Variants in ROBO2 observed in about 807,000 individuals in gnomAD.
ROBO2 encodes the protein roundabout guidance receptor 2.
ROBO2 carries 53 observed loss-of-function variants against 160.8 expected under a neutral mutation model. The ratio of observed to expected loss-of-function variants is 0.33; its 90% CI spans 0.26 to 0.41. ROBO2 has a LOEUF of 0.41. ROBO2 is among the 10% of genes least tolerant of loss of function. ROBO2 has a pLI of 1.00. For synonymous variants in ROBO2, 664 were observed against 611.7 expected, an observed-to-expected ratio of 1.09 and a Z score of -1.26; for missense variants, 1,577 against 1,722.4, an observed-to-expected ratio of 0.92 and a Z score of 1.49.
chr3:75,926,416 T>G (rs1035827472), intron 1 of ROBO2, among the ~76,000 whole-genome samples: 1 of 152,192 alleles, frequency 6.6e-6, no homozygotes, highest in African/African-American at 2.4e-5. Flanking sequence ...CAAAGTTTTA[T>G]GGTTGCTTTT....
chr3:77,054,928 A>ATGTGTG (rs574557375), intron 1 of ROBO2, among the ~76,000 whole-genome samples: 20,176 of 112,984 alleles, frequency 0.18, 1,899 homozygotes, highest in African/African-American at 0.28. Context: ...TCTCGCGTGT[A>ATGTGTG]TGTGTGTGTG....
At chr3:76,194,350 G>GTGTGTA (rs759087780) in intron 2 of ROBO2, among the ~76,000 whole-genome samples, 37 of 42,054 alleles carry the variant, frequency 8.8e-4, no homozygotes, top group African/African-American at 2.0e-3. Flanking sequence ...TGTATGGTGT[G>GTGTGTA]TAAATATATA....
intron 2 of ROBO2, among the ~76,000 whole-genome samples, chr3:77,268,228 T>C (rs1449781900): frequency 1.3e-5 from 2 of 152,222 alleles, no homozygotes; most frequent in Non-Finnish European, 2.9e-5. Context: ...GAGTCTTCTT[T>C]TTTCCCTAGT....
intron 2 of ROBO2, among the ~76,000 whole-genome samples, chr3:76,211,096 G>C (rs1182568431): frequency 1.3e-5 from 2 of 151,998 alleles, no homozygotes; most frequent in Non-Finnish European, 2.9e-5. Flanking sequence ...TCCATCCACA[G>C]TTATTTACTC....
chr3:77,503,890 A>G (rs2088046911), intron 5 of ROBO2, among the ~76,000 whole-genome samples: 19 of 152,222 alleles, frequency 1.2e-4, no homozygotes, highest in Admixed American at 1.2e-3. Context: ...AACAAGGAAC[A>G]TATCTTTGTT....
intron 2 of ROBO2, among the ~76,000 whole-genome samples, chr3:76,309,441 G>T (rs1422029132): frequency 6.6e-6 from 1 of 152,088 alleles, no homozygotes; most frequent in Non-Finnish European, 1.5e-5. Flanking sequence ...TTTATTTTGT[G>T]TATTCCATTA....
chr3:77,436,531 G>T (rs184262398), intron 2 of ROBO2, among the ~76,000 whole-genome samples: 28 of 151,796 alleles, frequency 1.8e-4, no homozygotes, highest in Non-Finnish European at 3.5e-4. Context: ...TATCAACATT[G>T]CTACTTTAAG....
At chr3:77,333,180 A>G (rs2066151549) in intron 2 of ROBO2, among the ~76,000 whole-genome samples, 1 of 152,194 alleles carries the variant, frequency 6.6e-6, no homozygotes, top group Non-Finnish European at 1.5e-5. Flanking sequence ...AAGCTTGGTT[A>G]TATTCTGGCG....
At chr3:77,087,079 T>A (rs571735527) in intron 1 of ROBO2, among the ~76,000 whole-genome samples, 1 of 152,222 alleles carries the variant, frequency 6.6e-6, no homozygotes, top group South Asian at 2.1e-4. Flanking sequence ...CATCTTCAGT[T>A]ACTAAGATTA....
intron 1 of ROBO2, among the ~76,000 whole-genome samples, chr3:77,065,847 T>C (rs1046788299): frequency 2.0e-5 from 3 of 152,140 alleles, no homozygotes; most frequent in Admixed American, 6.6e-5. Context: ...GCCTCAGTCC[T>C]AAGTAAATTG....
chr3:75,980,842 G>T (rs1008931492), intron 2 of ROBO2, among the ~76,000 whole-genome samples: 1 of 151,420 alleles, frequency 6.6e-6, no homozygotes, highest in African/African-American at 2.4e-5. Context: ...ACTGTTAAGT[G>T]CAGGAACAAA....
At chr3:77,466,087 G>A (rs569858960) in intron 2 of ROBO2, among the ~76,000 whole-genome samples, 1 of 152,246 alleles carries the variant, frequency 6.6e-6, no homozygotes, top group African/African-American at 2.4e-5. Context: ...AAGGTTACTG[G>A]GATTGGGATA....
At chr3:76,575,968 C>T (rs2085263952) in intron 2 of ROBO2, among the ~76,000 whole-genome samples, 1 of 151,762 alleles carries the variant, frequency 6.6e-6, no homozygotes, top group African/African-American at 2.4e-5. Flanking sequence ...GAAGAATTTA[C>T]AATACATTAA....
chr3:76,366,150 A>T (rs2075800793), intron 2 of ROBO2, among the ~76,000 whole-genome samples: 1 of 152,008 alleles, frequency 6.6e-6, no homozygotes, highest in East Asian at 1.9e-4. Flanking sequence ...GTCTGTCTAC[A>T]TGGCTAATTC....
At chr3:76,166,875 G>T (rs1486064960) in intron 2 of ROBO2, among the ~76,000 whole-genome samples, 1 of 152,118 alleles carries the variant, frequency 6.6e-6, no homozygotes, top group East Asian at 1.9e-4. Context: ...GGCCTGACAT[G>T]TGCACTTATT....
chr3:76,549,430 G>C (rs777113633), intron 2 of ROBO2, among the ~76,000 whole-genome samples: 5 of 152,104 alleles, frequency 3.3e-5, no homozygotes, highest in Non-Finnish European at 7.4e-5. Context: ...GATTTTTCCT[G>C]AGTCAATGCC....
chr3:76,219,553 C>G (rs1559654320), intron 2 of ROBO2, among the ~76,000 whole-genome samples: 1 of 152,176 alleles, frequency 6.6e-6, no homozygotes. Flanking sequence ...GACATTTATG[C>G]AGCCAACAGA....
chr3:76,126,500 C>G (rs2070995814), intron 2 of ROBO2, among the ~76,000 whole-genome samples: 2 of 152,004 alleles, frequency 1.3e-5, no homozygotes, highest in Admixed American at 1.3e-4. Context: ...AAAAAAACCA[C>G]CTGGATTACT....
At chr3:76,829,528 G>A (rs561524995) in intron 2 of ROBO2, among the ~76,000 whole-genome samples, 2 of 151,758 alleles carry the variant, frequency 1.3e-5, no homozygotes, top group South Asian at 2.1e-4. Context: ...CTCCCAGTAC[G>A]TTTTCCTCAT....
Sources: allele counts gnomAD v4.1 joint callset (sites outside exome capture counted in the v4.1 genomes callset), GRCh38; gene constraint gnomAD v4.1.1; transcripts MANE v1.5; gene names NCBI Gene and HGNC (gene_info 2026-07-23, HGNC 2026-07-21).